TBC1D32: variants seen among roughly 807,000 people sequenced by gnomAD.
TBC1D32 encodes TBC1 domain family member 32.
In TBC1D32, 151 loss-of-function variants were observed where a neutral mutation model predicts 170.3. The ratio of observed to expected loss-of-function variants is 0.89; its 90% CI spans 0.78 to 1.01. The LOEUF is 1.01. TBC1D32 is among the 50% of genes least tolerant of loss of function. The probability of loss-of-function intolerance (pLI) is 0.00; values close to 1 mark genes in which losing one functional copy is unlikely to be tolerated. For synonymous variants in TBC1D32, 498 were observed against 488.0 expected (o/e 1.02, Z -0.27); for missense variants, 1,464 against 1,457.1 (o/e 1.00, Z -0.08).
intron 29 of TBC1D32, among the ~76,000 whole-genome samples, chr6:121,107,939 G>A (rs568901223): frequency 3.2e-4 from 49 of 152,056 alleles, no homozygotes; most frequent in African/African-American, 1.2e-3. Flanking sequence ...ATTGAGGTAA[G>A]AGTTCTTCTA....
At chr6:121,185,613 G>A (rs1789095779) in intron 22 of TBC1D32, among the ~76,000 whole-genome samples, 1 of 152,004 alleles carries the variant, frequency 6.6e-6, no homozygotes, top group South Asian at 2.1e-4. Flanking sequence ...AAATAACCCT[G>A]GGGAGACCAA....
chr6:121,292,520 T>C (rs1449467781), intron 11 of TBC1D32, among the ~76,000 whole-genome samples: 3 of 152,106 alleles, frequency 2.0e-5, no homozygotes, highest in African/African-American at 7.2e-5. Flanking sequence ...AGAAAGTTAA[T>C]AGAAAATGTT....
intron 24 of TBC1D32, among the ~76,000 whole-genome samples, chr6:121,132,800 AC>A (rs1372154171): frequency 1.3e-5 from 2 of 151,974 alleles, no homozygotes; most frequent in African/African-American, 2.4e-5. Context: ...AGGTACTTAT[AC>A]CCATGAGATT....
intron 21 of TBC1D32, among the ~76,000 whole-genome samples, chr6:121,205,430 T>G (rs1792124289): frequency 1.3e-5 from 2 of 152,180 alleles, no homozygotes. Context: ...GAATCCAGTA[T>G]TCAGCCAAAG....
At chr6:121,204,624 A>G (rs1373869406) in intron 22 of TBC1D32, among the ~76,000 whole-genome samples, 2 of 151,364 alleles carry the variant, frequency 1.3e-5, no homozygotes, top group East Asian at 3.8e-4. Context: ...AGGAATATGA[A>G]CTCAACTAGA....
chr6:121,250,875 T>C (rs1276907564), intron 17 of TBC1D32, among the ~76,000 whole-genome samples: 4 of 152,182 alleles, frequency 2.6e-5, no homozygotes, highest in Non-Finnish European at 5.9e-5. Context: ...GATAAGCAAC[T>C]TCAGCAAAGT....
At chr6:121,113,240 C>T (rs1779369723) in intron 27 of TBC1D32, 63 bp from the exon 28 acceptor site, 7 of 1,061,850 alleles carry the variant, frequency 6.6e-6, no homozygotes, top group Non-Finnish European at 7.0e-6. Context: ...TTTAAAATTA[C>T]TTCTTTTAGC....
At chr6:121,152,845 T>G (rs931360385) in intron 24 of TBC1D32, among the ~76,000 whole-genome samples, 1 of 152,160 alleles carries the variant, frequency 6.6e-6, no homozygotes, top group African/African-American at 2.4e-5. Context: ...TGTTTTTCAG[T>G]TCCATCAGGT....
At chr6:121,311,565 T>C (rs1808209395) in intron 3 of TBC1D32, among the ~76,000 whole-genome samples, 1 of 151,902 alleles carries the variant, frequency 6.6e-6, no homozygotes, top group South Asian at 2.1e-4. Context: ...CTGTCTCTAC[T>C]AAAAATACAA....
intron 22 of TBC1D32, among the ~76,000 whole-genome samples, chr6:121,198,644 G>A (rs1016232653): frequency 1.7e-4 from 26 of 151,064 alleles, no homozygotes; most frequent in Admixed American, 1.2e-3. Flanking sequence ...CCAGCTACTC[G>A]GGAGGCTGAG....
At position 121,279,104 on chromosome 6, in the gene TBC1D32, T is replaced by C; in HGVS notation, c.1733+17A>G. 1 of 1,578,248 alleles carries C rather than the reference T, an allele frequency of 6.3e-7. No individual in the cohort carries two copies. The highest frequency in any genetic ancestry group is 2.3e-5 in the East Asian group (1 of 44,180). On this transcript the variant is annotated intron_variant, in intron 15 of 31. Transcript: ENST00000398212. ...ACTATACCTGGAATAATTATCCGGA[T>C]TTAAAATAGCACATACCTTTCTTCA... is the stretch of plus-strand genomic sequence containing the variant.
intron 30 of TBC1D32, among the ~76,000 whole-genome samples, chr6:121,092,903 A>G (rs1471973189): frequency 5.3e-5 from 8 of 152,108 alleles, no homozygotes; most frequent in Admixed American, 4.6e-4. Flanking sequence ...CCTATACCAG[A>G]GGGTATTATT....
intron 1 of TBC1D32, among the ~76,000 whole-genome samples, chr6:121,322,646 C>T (rs1413745314): frequency 6.6e-6 from 1 of 152,176 alleles, no homozygotes; most frequent in African/African-American, 2.4e-5. Context: ...TTATCCCCTG[C>T]TTCATTCCTG....
chr6:121,160,582 C>T (rs2797955), intron 23 of TBC1D32, among the ~76,000 whole-genome samples: 25,536 of 151,330 alleles, frequency 0.17, 2,762 homozygotes, highest in African/African-American at 0.27. Flanking sequence ...GAGAGGTACT[C>T]AATGTTTCCA....
In TBC1D32 at chr6:121,334,285, T is replaced by C. The variant is rs1020641078; in HGVS notation, c.146A>G (p.Asn49Ser). 6.2e-7 allele frequency: 1 copy of C among 1,613,932 alleles called. No homozygotes were observed. Among genetic ancestry groups the C allele is most frequent in the Admixed American group, 1.7e-5 (1 of 59,990 alleles). The change falls in exon 1 of 32, where the codon AAT (asparagine) becomes AGT (serine). Residue 49 changes from asparagine (N) to serine (S), a missense_variant. Physicochemically the swap from Asn to Ser is conservative, Grantham distance 46. Transcript: ENST00000398212. ...ILLHLEETDE[N>S]FHNYEFVKYL... The stretch of plus-strand genomic sequence containing the variant: ...TCAAAAGCAATTTTACTTGTGAAAA[T>C]TTTCATCAGTTTCCTCCAGATGTAA...
In TBC1D32 at chr6:121,117,494, G is replaced by T. The variant is rs1314378346; in HGVS notation, c.2984-2253C>A. On this transcript the variant is annotated intron_variant, in intron 26 of 31. Transcript: ENST00000398212. ...AGAGGGATGGATTACTTGAGGTCAT[G>T]AGTTCAAGACCAGCCTCGCCAACAT... Among the ~76,000 whole-genome samples the T allele has an allele frequency of 2.0e-5, 3 of 152,130 alleles. No individual in the cohort carries two copies. The East Asian group carries it at 5.8e-4, about 29-fold the overall frequency.
At chr6:121,190,737 T>A (rs1341515224) in intron 22 of TBC1D32, among the ~76,000 whole-genome samples, 1 of 152,148 alleles carries the variant, frequency 6.6e-6, no homozygotes, top group Non-Finnish European at 1.5e-5. Context: ...TATGTTGCTG[T>A]TAAAATATTA....
At chr6:121,238,042 T>C (rs919868970) in intron 20 of TBC1D32, among the ~76,000 whole-genome samples, 6 of 152,128 alleles carry the variant, frequency 3.9e-5, no homozygotes, top group Non-Finnish European at 7.4e-5. Context: ...AGGTAGCATC[T>C]GATATTTCTT....
chr6:121,222,087 A>G (rs1208512201), intron 21 of TBC1D32, among the ~76,000 whole-genome samples: 1 of 152,212 alleles, frequency 6.6e-6, no homozygotes, highest in African/African-American at 2.4e-5. Context: ...GCCATCGACA[A>G]TGAGGTAAGA....
Sources: gnomAD v4.1 joint callset for allele counts (sites outside exome capture counted in the v4.1 genomes callset) on GRCh38, gnomAD v4.1.1 for gene constraint, MANE v1.5 for transcripts, NCBI Gene and HGNC (gene_info 2026-07-23, HGNC 2026-07-21) for gene names.